The following ZFP36L1 variants were observed in gnomAD, a reference collection of about 807,000 sequenced individuals.
ZFP36L1 encodes ZFP36 like 1 zinc finger CCCH-type, also known as mRNA decay activator protein ZFP36L1.
Under a neutral mutation model 16.7 loss-of-function variants are expected in ZFP36L1, and 4 were observed. The ratio of observed to expected loss-of-function variants is 0.24; its 90% CI spans 0.12 to 0.55. The LOEUF (loss-of-function observed/expected upper bound fraction) is 0.55, where lower values mean the gene tolerates loss of function less well. Ranked by LOEUF, ZFP36L1 falls within the 20% of genes least tolerant of loss-of-function variation. The pLI is 0.94. For synonymous variants in ZFP36L1, 220 were observed against 190.8 expected (o/e 1.15, Z -1.26); for missense variants, 311 against 449.2 (o/e 0.69, Z 2.78).
chr14:68,791,158 G>T (rs911504230), intron 1 of ZFP36L1: 1 of 674,596 alleles, frequency 1.5e-6, no homozygotes, highest in Non-Finnish European at 2.7e-6. Context: ...TCCCGGAAGA[G>T]ATATTTTCTA....
chr14:68,793,119 G>A (rs1289161970), upstream of ZFP36L1: 1 of 1,456,390 alleles, frequency 6.9e-7, no homozygotes, highest in Non-Finnish European at 9.0e-7. Context: ...GGTGGGCCGG[G>A]GGGAGGAGGA....
upstream of ZFP36L1, among the ~76,000 whole-genome samples, chr14:68,794,906 G>A (rs982009551): frequency 1.3e-5 from 2 of 152,164 alleles, no homozygotes; most frequent in Non-Finnish European, 2.9e-5. Context: ...GCTTTCATTT[G>A]TCTCCTCTGC....
At chr14:68,793,906 G>A, upstream of ZFP36L1, 3 of 984,664 alleles carry the variant, frequency 3.0e-6, no homozygotes, top group East Asian at 1.1e-4. Context: ...CTTTGCAGCC[G>A]GCGCTCTCCG....
chr14:68,790,584 T>C, intron 1 of ZFP36L1, 92 bp from the exon 2 acceptor site: 1 of 1,520,584 alleles, frequency 6.6e-7, no homozygotes, highest in South Asian at 1.2e-5. Context: ...AAACGCCCGC[T>C]CTTTCTCAAA....
In ZFP36L1 at chr14:68,789,972, G is replaced by A; in HGVS notation, c.578C>T (p.Ala193Val). The A allele has an allele frequency of 1.2e-6, 2 of 1,606,710 alleles. No individual in the cohort carries two copies. The highest frequency in any genetic ancestry group is 1.7e-6 in the Non-Finnish European group (2 of 1,177,018). Residue 193 changes from alanine (A) to valine (V), a missense_variant, in exon 2 of 2, where the codon GCT becomes GTT. Ala to Val is a moderately conservative substitution (Grantham distance 64). This residue lies in a region of ZFP36L1 where 147 missense variants were observed against 192.0 expected (regional missense o/e 0.77). Coordinates refer to ENST00000439696, the MANE Select transcript of ZFP36L1 (RefSeq NM_004926.4). This position sits in a 1 kb window ranked among gnomAD's most constrained non-coding sequence, Gnocchi z 4.5. ...RALAGARDLSADRPRLQHSFS... is the reference protein window; with the variant it reads ...RALAGARDLSVDRPRLQHSFS... The stretch of plus-strand genomic sequence containing the variant: ...GCTATGCTGGAGGCGGGGACGGTCA[G>A]CGGAGAGGTCCCGGGCCCCGGCCAG...
Position 68,788,319 on chromosome 14 carries a change from A to G in ZFP36L1, c.*1214T>C, listed in dbSNP as rs1381748247. On this transcript the variant is annotated 3_prime_UTR_variant, in exon 2 of 2. Coordinates refer to ENST00000439696, the MANE Select transcript of ZFP36L1 (RefSeq NM_004926.4). The stretch of plus-strand genomic sequence containing the variant: ...TTGTCATCCCGATAAATATGAACAA[A>G]ATTAACAAAAAAAAGCATAGTTTGG... 6.6e-6 allele frequency: 1 copy of G among 152,520 alleles called. No homozygotes were observed. Among genetic ancestry groups the G allele is most frequent in the African/African-American group, 2.4e-5 (1 of 41,454 alleles). The allele number at this position is 152,520 out of a possible 1,614,324, so 9.4% of individuals were successfully genotyped here.
In ZFP36L1 at chr14:68,793,036, C is replaced by T; in HGVS notation, c.-98G>A. Reference sequence around the variant, plus strand: ...CTCTCCTGTCTGGAGTCCCACACGCCAGTTCCCGGCGCCCCTCGCCTTTCT... The same window carrying T: ...CTCTCCTGTCTGGAGTCCCACACGCTAGTTCCCGGCGCCCCTCGCCTTTCT... On this transcript the variant is annotated 5_prime_UTR_variant, in exon 1 of 2. Coordinates refer to ENST00000439696, the MANE Select transcript of ZFP36L1 (RefSeq NM_004926.4). 6.2e-7 allele frequency: 1 copy of T among 1,600,142 alleles called. No homozygotes were observed. Among genetic ancestry groups the T allele is most frequent in the Non-Finnish European group, 8.5e-7 (1 of 1,176,366 alleles).
At chr14:68,791,951 A>G (rs532599805) in intron 1 of ZFP36L1, among the ~76,000 whole-genome samples, 1 of 152,312 alleles carries the variant, frequency 6.6e-6, no homozygotes, top group East Asian at 1.9e-4. Flanking sequence ...CACTTCAGCA[A>G]TTAAAAAGTA....
chr14:68,792,370 C>G (rs905772622), intron 1 of ZFP36L1, among the ~76,000 whole-genome samples: 1 of 152,174 alleles, frequency 6.6e-6, no homozygotes, highest in African/African-American at 2.4e-5. Context: ...CTTTTTGAAT[C>G]ACAACTTGGC....
chr14:68,793,384 C>A (rs189164456), upstream of ZFP36L1: 9 of 1,002,822 alleles, frequency 9.0e-6, no homozygotes, highest in Non-Finnish European at 1.1e-5. Context: ...GCGCTTCAGG[C>A]GCCCCCTCTC....
Position 68,789,706 on chromosome 14 carries a change from T to C in ZFP36L1, c.844A>G (p.Met282Val). ...GSPTTFLFRP[M>V]SESPHMFDSP... Reference sequence around the variant, plus strand: ...TCAAACATGTGAGGGGACTCGGACATGGGCCGGAAGAGGAAGGTGGTCGGG... The same window carrying C: ...TCAAACATGTGAGGGGACTCGGACACGGGCCGGAAGAGGAAGGTGGTCGGG... The change falls in exon 2 of 2, where the codon ATG (methionine) becomes GTG (valine). Residue 282 changes from methionine (M) to valine (V), a missense_variant. Coordinates refer to ENST00000439696, the MANE Select transcript of ZFP36L1 (RefSeq NM_004926.4). The surrounding 1 kb of genome is among the most constrained non-coding windows in gnomAD (Gnocchi z 4.5). 1.9e-6 allele frequency: 3 copies of C among 1,613,928 alleles called. No homozygotes were observed. Among genetic ancestry groups the C allele is most frequent in the South Asian group, 1.1e-5 (1 of 91,074 alleles).
rs1594716275 is a variant in ZFP36L1 at position 68,789,691 on chromosome 14, G to A, written c.859C>T (p.His287Tyr). ...FLFRPMSESP[H>Y]MFDSPPSPQD... is the part of the protein sequence containing the mutation. ...GGGCTGGGGGGAGAGTCAAACATGT[G>A]AGGGGACTCGGACATGGGCCGGAAG... The change falls in exon 2 of 2, where the codon CAC becomes TAC. Residue 287 changes from histidine (H) to tyrosine (Y), a missense_variant. His to Tyr is a moderately conservative substitution (Grantham distance 83, BLOSUM62 2). Coordinates refer to ENST00000439696, the MANE Select transcript of ZFP36L1 (RefSeq NM_004926.4). The surrounding 1 kb of genome is among the most constrained non-coding windows in gnomAD (Gnocchi z 4.5). 1 of 1,614,118 alleles carries A rather than the reference G, an allele frequency of 6.2e-7. No homozygotes were observed. The highest frequency in any genetic ancestry group is 1.1e-5 in the South Asian group (1 of 91,082).
rs1239517210 is a variant in ZFP36L1 at position 68,788,316 on chromosome 14, C to T, written c.*1217G>A. On this transcript the variant is annotated 3_prime_UTR_variant, in exon 2 of 2. Coordinates refer to ENST00000439696, the MANE Select transcript of ZFP36L1 (RefSeq NM_004926.4). The stretch of plus-strand genomic sequence containing the variant: ...GATTTGTCATCCCGATAAATATGAA[C>T]AAAATTAACAAAAAAAAGCATAGTT... 6.6e-6 allele frequency: 1 copy of T among 151,714 alleles called. No individual in the cohort carries two copies. Among genetic ancestry groups the T allele is most frequent in the Admixed American group, 6.6e-5 (1 of 15,208 alleles). 9.4% of individuals were successfully genotyped at this position (151,714 alleles called of 1,614,324 possible).
rs1020597575 is a variant in ZFP36L1 at position 68,792,971 on chromosome 14, C to G, written c.-33G>C. The G allele has an allele frequency of 2.5e-6, 4 of 1,613,076 alleles. No homozygotes were observed. Among genetic ancestry groups the G allele is most frequent in the Non-Finnish European group, 3.4e-6 (4 of 1,179,820 alleles). ...GTTCGCGCGAGCCAGGGGCGAGGAT[C>G]TGGTGTGTCGCGAAGGTCCCGGTGC... On this transcript the variant is annotated 5_prime_UTR_variant, in exon 1 of 2. Transcript: ENST00000439696.
Position 68,790,476 on chromosome 14 carries a change from T to G in ZFP36L1, c.74A>C (p.Asn25Thr). The change falls in exon 2 of 2, where the codon AAC (asparagine) becomes ACC (threonine). Residue 25 changes from asparagine (N) to threonine (T), a missense_variant. Around this residue, in one of 4 missense-constraint regions of ZFP36L1, gnomAD observed 137 missense variants for 142.6 expected, o/e 0.96. Transcript: ENST00000439696. ...ACCCCCTGCACTGGGAGCACTATAGTTGAGCATCTTGTTACCCTGGAGAGA... is the reference window on the plus strand; with the variant it reads ...ACCCCCTGCACTGGGAGCACTATAGGTGAGCATCTTGTTACCCTGGAGAGA... The part of the protein sequence containing the change: ...EVLCKGNKML[N>T]YSAPSAGGCL... 6.2e-7 allele frequency: 1 copy of G among 1,614,046 alleles called. No individual in the cohort carries two copies.
At chr14:68,792,252 T>G (rs534226157) in intron 1 of ZFP36L1, among the ~76,000 whole-genome samples, 2 of 134,126 alleles carry the variant, frequency 1.5e-5, no homozygotes, top group African/African-American at 2.8e-5. Context: ...CGGGTCAACC[T>G]GAATGCCTCT....
Position 68,789,409 on chromosome 14 carries a change from G to T in ZFP36L1, c.*124C>A. On this transcript the variant is annotated 3_prime_UTR_variant, in exon 2 of 2. Transcript: ENST00000439696. The surrounding 1 kb of genome is among the most constrained non-coding windows in gnomAD (Gnocchi z 4.5). The stretch of plus-strand genomic sequence containing the variant: ...GCACATTCTGAGGTGCTGGGGGAAA[G>T]GGGTTGAGCTTAACCTTGTTAATGT... 1 of 1,423,554 alleles carries T rather than the reference G, an allele frequency of 7.0e-7. No homozygotes were observed. Among genetic ancestry groups the T allele is most frequent in the Non-Finnish European group, 9.6e-7 (1 of 1,045,876 alleles). 88.2% of individuals were successfully genotyped at this position (1,423,554 alleles called of 1,614,324 possible). A position where few individuals can be genotyped will look rare whatever the true frequency, so the allele number is the denominator to read the frequency against.
In ZFP36L1 at chr14:68,788,586, C is replaced by T. The variant is rs374535456; in HGVS notation, c.*947G>A. 2.0e-5 allele frequency: 3 copies of T among 152,074 alleles called. No individual in the cohort carries two copies. In the East Asian group the frequency reaches 5.6e-4, roughly 29 times the overall value. The allele number at this position is 152,074 out of a possible 1,614,324, so 9.4% of individuals were successfully genotyped here. Reference sequence around the variant, plus strand: ...GGAATGAATACCATTAACTGCTCACCCCTTACTTTTTTTTTTTTAGCTTTT... The same window carrying T: ...GGAATGAATACCATTAACTGCTCACTCCTTACTTTTTTTTTTTTAGCTTTT... On this transcript the variant is annotated 3_prime_UTR_variant, in exon 2 of 2. Coordinates refer to ENST00000439696, the MANE Select transcript of ZFP36L1 (RefSeq NM_004926.4).
At chr14:68,795,490 C>T (rs931162518), upstream of ZFP36L1, among the ~76,000 whole-genome samples, 6 of 152,228 alleles carry the variant, frequency 3.9e-5, no homozygotes, top group African/African-American at 1.4e-4. Flanking sequence ...TATGCCCCTG[C>T]TTCGGGCGGC....
Sources: gnomAD v4.1 joint callset for allele counts (sites outside exome capture counted in the v4.1 genomes callset) on GRCh38, gnomAD v4.1.1 for gene constraint, gnomAD v4.1.1 regional missense constraint, Gnocchi (gnomAD v3.1) non-coding constraint, MANE v1.5 for transcripts, NCBI Gene and HGNC (gene_info 2026-07-23, HGNC 2026-07-21) for gene names.